Variants in ZNF536 observed in about 807,000 individuals in gnomAD.
ZNF536 encodes the protein zinc finger protein 536.
In ZNF536, 13 loss-of-function variants were observed where a neutral mutation model predicts 84.5. The observed-to-expected ratio is 0.15, with a 90% CI of 0.10 to 0.24. ZNF536 has a LOEUF of 0.24. Ranked by LOEUF, ZNF536 falls within the 10% of genes least tolerant of loss-of-function variation. The pLI, the probability that ZNF536 is intolerant of heterozygous loss-of-function variation, is 1.00. For synonymous variants in ZNF536, 811 were observed against 742.5 expected (o/e 1.09, Z -1.50); for missense variants, 1,536 against 1,747.5 (o/e 0.88, Z 2.16).
intron 2 of ZNF536, among the ~76,000 whole-genome samples, chr19:30,467,481 T>C (rs1309062477): frequency 6.6e-6 from 1 of 152,248 alleles, no homozygotes; most frequent in Non-Finnish European, 1.5e-5. Flanking sequence ...TATTCTATTG[T>C]ATGCATATCC....
intron 1 of ZNF536, among the ~76,000 whole-genome samples, chr19:30,624,499 A>C (rs1384639347): frequency 6.6e-6 from 1 of 152,152 alleles, no homozygotes; most frequent in African/African-American, 2.4e-5. Context: ...CATGCCATGT[A>C]TTCTTGATTC....
chr19:30,620,622 G>A (rs574970386), intron 1 of ZNF536, among the ~76,000 whole-genome samples: 6 of 152,262 alleles, frequency 3.9e-5, no homozygotes, highest in African/African-American at 1.4e-4. Context: ...CCCATGTGTT[G>A]CAGTGGTGGC....
intron 1 of ZNF536, among the ~76,000 whole-genome samples, chr19:30,401,056 T>G (rs1314352933): frequency 1.3e-5 from 2 of 152,208 alleles, no homozygotes; most frequent in Non-Finnish European, 2.9e-5. Context: ...GTCAAGGTTC[T>G]CTTTTTGTTG....
chr19:30,437,610 G>A (rs577670329), intron 1 of ZNF536, among the ~76,000 whole-genome samples: 2 of 152,094 alleles, frequency 1.3e-5, no homozygotes, highest in East Asian at 1.9e-4. Context: ...TGTGGCCACC[G>A]AGAGCCTAGC....
At chr19:30,271,810 A>G (rs1314522535) in intron 1 of ZNF536, among the ~76,000 whole-genome samples, 1 of 152,198 alleles carries the variant, frequency 6.6e-6, no homozygotes, top group African/African-American at 2.4e-5. Context: ...GTGTCCTAGG[A>G]GACAGACCCC....
intron 1 of ZNF536, among the ~76,000 whole-genome samples, chr19:30,434,010 T>C (rs1004384222): frequency 6.6e-6 from 1 of 152,142 alleles, no homozygotes; most frequent in Non-Finnish European, 1.5e-5. Context: ...TTGAAGTGAA[T>C]AGGACAGCCT....
chr19:30,669,310 G>T (rs2050453756), intron 1 of ZNF536, among the ~76,000 whole-genome samples: 1 of 152,216 alleles, frequency 6.6e-6, no homozygotes, highest in Non-Finnish European at 1.5e-5. Context: ...GGCAGGCTCA[G>T]CCGGGCAGAC....
At chr19:30,238,458 CAAT>C in intron 1 of ZNF536, among the ~76,000 whole-genome samples, 1 of 146,652 alleles carries the variant, frequency 6.8e-6, no homozygotes, top group African/African-American at 2.5e-5. Context: ...CACACACACA[CAAT>C]CACACATGAA....
intron 1 of ZNF536, among the ~76,000 whole-genome samples, chr19:30,588,921 C>T (rs1447537348): frequency 2.6e-5 from 4 of 151,964 alleles, no homozygotes; most frequent in South Asian, 2.1e-4. Context: ...ATATGGCAAG[C>T]GTCATAGAAG....
chr19:30,517,868 A>G (rs1251358151), intron 2 of ZNF536, among the ~76,000 whole-genome samples: 1 of 152,174 alleles, frequency 6.6e-6, no homozygotes, highest in Non-Finnish European at 1.5e-5. Context: ...TTTGCATCTC[A>G]ATTAGAGTCC....
intron 2 of ZNF536, among the ~76,000 whole-genome samples, chr19:30,446,247 TCAAAAAAA>T (rs2052330762): frequency 4.8e-4 from 1 of 2,066 alleles, no homozygotes; most frequent in Admixed American, 7.8e-3. Context: ...AGACACTGTC[TCAAAAAAA>T]AAAAAAAAAA....
chr19:30,464,277 C>T (rs2053285618), intron 2 of ZNF536, among the ~76,000 whole-genome samples: 1 of 152,128 alleles, frequency 6.6e-6, no homozygotes, highest in African/African-American at 2.4e-5. Context: ...CTGAGTTTAC[C>T]ACAAGGCAGG....
At chr19:30,585,575 G>A (rs2047067953) in intron 1 of ZNF536, among the ~76,000 whole-genome samples, 1 of 152,204 alleles carries the variant, frequency 6.6e-6, no homozygotes, top group East Asian at 1.9e-4. Flanking sequence ...ATCCAGGGAA[G>A]CTGCCCATTG....
intron 1 of ZNF536, among the ~76,000 whole-genome samples, chr19:30,431,137 G>T (rs919917965): frequency 6.6e-6 from 1 of 152,202 alleles, no homozygotes; most frequent in Admixed American, 6.5e-5. Context: ...CCATATCTGA[G>T]ACAGCAGCCC....
chr19:30,266,076 T>A (rs186572446), intron 1 of ZNF536, among the ~76,000 whole-genome samples: 1 of 151,722 alleles, frequency 6.6e-6, no homozygotes, highest in East Asian at 1.9e-4. Context: ...AGAGACAGGG[T>A]CTTGCTCTGT....
chr19:30,533,924 C>T (rs8108997), intron 2 of ZNF536, among the ~76,000 whole-genome samples: 5,023 of 152,340 alleles, frequency 0.033, 127 homozygotes, highest in South Asian at 0.12. Context: ...CCAATTGTGA[C>T]CTCTTTGGCA....
In ZNF536 at chr19:30,445,889, C is replaced by T. The variant is rs1049625563; in HGVS notation, c.2170+157C>T. ...ACTGGGCCATGCCTTTCTTTCCCCC[C>T]CTGACTGGAGGGAAAGGGCCGTCCT... On this transcript the variant is annotated intron_variant, in intron 2 of 4. Coordinates refer to ENST00000355537, the MANE Select transcript of ZNF536 (RefSeq NM_014717.3). The surrounding 1 kb of genome is among the most constrained non-coding windows in gnomAD (Gnocchi z 4.5). 1.5e-4 allele frequency among the ~76,000 whole-genome samples: 23 copies of T among 152,120 alleles called. No individual in the cohort carries two copies. Among genetic ancestry groups the T allele is most frequent in the African/African-American group, 9.7e-5 (4 of 41,432 alleles).
chr19:30,231,610 C>T (rs895706860), intron 1 of ZNF536, among the ~76,000 whole-genome samples: 42 of 152,056 alleles, frequency 2.8e-4, no homozygotes, highest in Admixed American at 2.1e-3. Flanking sequence ...GGTACCTGCT[C>T]GGGAGTTGGA....
chr19:30,596,946 G>A (rs1376077387), intron 1 of ZNF536, among the ~76,000 whole-genome samples: 1 of 152,094 alleles, frequency 6.6e-6, no homozygotes, highest in East Asian at 1.9e-4. Flanking sequence ...TTTTCGGGGA[G>A]CCCATCGCTT....
Sources: gnomAD v4.1 joint callset for allele counts (sites outside exome capture counted in the v4.1 genomes callset) on GRCh38, gnomAD v4.1.1 for gene constraint, Gnocchi (gnomAD v3.1) non-coding constraint, MANE v1.5 for transcripts, NCBI Gene and HGNC (gene_info 2026-07-23, HGNC 2026-07-21) for gene names.